Variants in WWOX observed in about 807,000 individuals in gnomAD.
The protein encoded by WWOX is WW domain containing oxidoreductase, also known as WW domain-containing oxidoreductase.
Under a neutral mutation model 46.2 loss-of-function variants are expected in WWOX, and 69 were observed. The observed-to-expected ratio is 1.49, with a 90% confidence interval of 1.23 to 1.82. WWOX has a LOEUF of 1.82. Ranked by LOEUF, WWOX falls within the 40% of genes most tolerant of loss-of-function variation. The pLI is 0.00. For missense variants in WWOX, 919 were observed against 542.6 expected, an observed-to-expected ratio of 1.69 and a Z score of -6.89; for synonymous variants, 359 against 202.6, an observed-to-expected ratio of 1.77 and a Z score of -6.56.
chr16:78,600,858 A>G (rs940673250), intron 8 of WWOX, among the ~76,000 whole-genome samples: 78 of 152,178 alleles, frequency 5.1e-4, no homozygotes, highest in African/African-American at 1.7e-3. Context: ...ACTCACGCCT[A>G]GAATCCTCTG....
chr16:78,725,509 G>A (rs975949113), intron 8 of WWOX, among the ~76,000 whole-genome samples: 6 of 150,518 alleles, frequency 4.0e-5, no homozygotes, highest in South Asian at 2.1e-4. Context: ...CACCATGCAC[G>A]GCTAATTTTG....
intron 8 of WWOX, among the ~76,000 whole-genome samples, chr16:78,669,436 A>G (rs1175453792): frequency 2.0e-5 from 3 of 152,200 alleles, no homozygotes; most frequent in Admixed American, 6.5e-5. Context: ...GATATTTTTT[A>G]GTTGTCAGAA....
intron 8 of WWOX, among the ~76,000 whole-genome samples, chr16:78,728,847 T>A (rs562079626): frequency 3.6e-4 from 55 of 152,334 alleles, no homozygotes; most frequent in African/African-American, 1.3e-3. Context: ...AAACCTTGTG[T>A]TGGAGTTTCC....
chr16:78,605,632 T>C (rs1414983466), intron 8 of WWOX, among the ~76,000 whole-genome samples: 1 of 152,220 alleles, frequency 6.6e-6, no homozygotes, highest in Non-Finnish European at 1.5e-5. Flanking sequence ...AAAATTTCTT[T>C]ATTTAGAAAC....
At chr16:78,942,137 G>C (rs2045864137) in intron 8 of WWOX, among the ~76,000 whole-genome samples, 1 of 152,166 alleles carries the variant, frequency 6.6e-6, no homozygotes, top group South Asian at 2.1e-4. Context: ...TCCTTTTCTA[G>C]TAGCTTGGAT....
At chr16:78,899,840 C>A (rs1259308456) in intron 8 of WWOX, among the ~76,000 whole-genome samples, 1 of 152,100 alleles carries the variant, frequency 6.6e-6, no homozygotes, top group East Asian at 1.9e-4. Context: ...TGTTTTGTTC[C>A]ACTGGCTCCT....
intron 4 of WWOX, among the ~76,000 whole-genome samples, chr16:78,129,701 T>A (rs188915067): frequency 6.6e-6 from 1 of 151,878 alleles, no homozygotes; most frequent in Admixed American, 6.6e-5. Flanking sequence ...TATAGTGGGA[T>A]TTTTTTTCTT....
At chr16:78,395,927 C>T (rs1437476675) in intron 6 of WWOX, among the ~76,000 whole-genome samples, 1 of 152,096 alleles carries the variant, frequency 6.6e-6, no homozygotes, top group Non-Finnish European at 1.5e-5. Flanking sequence ...GCATCTTTTT[C>T]AGATGAGTTG....
At chr16:78,230,167 ACCGTGC>A (rs72178958) in intron 5 of WWOX, among the ~76,000 whole-genome samples, 127,036 of 151,232 alleles carry the variant, frequency 0.84, 53,777 homozygotes, top group African/African-American at 0.96. Context: ...GGCGTGAGCT[ACCGTGC>A]CCGTGCCCGG....
intron 5 of WWOX, among the ~76,000 whole-genome samples, chr16:78,224,157 C>G (rs1429256594): frequency 6.6e-6 from 1 of 152,100 alleles, no homozygotes; most frequent in Admixed American, 6.5e-5. Flanking sequence ...GCACCCGCCA[C>G]CAAGCCCAGC....
intron 5 of WWOX, among the ~76,000 whole-genome samples, chr16:78,327,789 C>T (rs534208389): frequency 6.6e-6 from 1 of 151,014 alleles, no homozygotes. Flanking sequence ...GTACAAAGTG[C>T]TTCTGCAAAG....
At chr16:78,410,726 A>C (rs2082660229) in intron 6 of WWOX, among the ~76,000 whole-genome samples, 1 of 151,460 alleles carries the variant, frequency 6.6e-6, no homozygotes, top group Non-Finnish European at 1.5e-5. Context: ...GAACAGCTTC[A>C]AAACAGGAGG....
chr16:78,374,366 C>T (rs1341052232), intron 5 of WWOX, among the ~76,000 whole-genome samples: 1 of 152,002 alleles, frequency 6.6e-6, no homozygotes, highest in Admixed American at 6.5e-5. Context: ...CCCCATAAAA[C>T]AAACTTCACT....
intron 8 of WWOX, among the ~76,000 whole-genome samples, chr16:78,622,188 C>G (rs1242982064): frequency 6.6e-6 from 1 of 152,092 alleles, no homozygotes; most frequent in African/African-American, 2.4e-5. Flanking sequence ...CTCCATTCTT[C>G]TCTCCTGCAC....
rs140795168 is a variant in WWOX, at chr16:78,906,788, C to G, written c.1057-304820C>G. Among the ~76,000 whole-genome samples, 740 of 152,294 alleles carry G rather than the reference C, an allele frequency of 4.9e-3. 4 individuals carry two copies. Among genetic ancestry groups the G allele is most frequent in the African/African-American group, 0.017 (713 of 41,538 alleles). On this transcript the variant is annotated intron_variant, in intron 8 of 8. Transcript: ENST00000566780. ...TTGATCATGTGACAAGGTCTTCTGA[C>G]CCTTTATCACCCACAGTGTTTTATT... is the stretch of plus-strand genomic sequence containing the variant.
intron 8 of WWOX, among the ~76,000 whole-genome samples, chr16:78,651,823 G>T (rs113052477): frequency 1.3e-5 from 2 of 152,212 alleles, no homozygotes; most frequent in South Asian, 2.1e-4. Context: ...AAACTGATTG[G>T]TTGGACTCAT....
At chr16:78,740,810 G>T (rs76008501) in intron 8 of WWOX, among the ~76,000 whole-genome samples, 5 of 152,102 alleles carry the variant, frequency 3.3e-5, no homozygotes, top group Admixed American at 3.3e-4. Flanking sequence ...GTGCATGAGC[G>T]TGTCTTAGAG....
At chr16:78,548,723 T>G (rs2044107284) in intron 8 of WWOX, among the ~76,000 whole-genome samples, 2 of 152,224 alleles carry the variant, frequency 1.3e-5, no homozygotes, top group South Asian at 4.1e-4. Flanking sequence ...ATGAAATTAT[T>G]TTGCCCAATA....
intron 8 of WWOX, among the ~76,000 whole-genome samples, chr16:79,121,954 C>T (rs1056893133): frequency 6.6e-6 from 1 of 152,134 alleles, no homozygotes; most frequent in African/African-American, 2.4e-5. Flanking sequence ...CAAAACCCTA[C>T]TTACGTGCTA....
Sources: allele counts gnomAD v4.1 joint callset (sites outside exome capture counted in the v4.1 genomes callset), GRCh38; gene constraint gnomAD v4.1.1; transcripts MANE v1.5; gene names NCBI Gene and HGNC (gene_info 2026-07-23, HGNC 2026-07-21).